Variants in CRACDL observed in about 807,000 individuals in gnomAD.
The protein encoded by CRACDL is CRACD like.
Under a neutral mutation model 70.6 loss-of-function variants are expected in CRACDL, and 26 were observed. The ratio of observed to expected loss-of-function variants is 0.37; its 90% CI spans 0.27 to 0.51. The LOEUF is 0.51. Ranked by LOEUF, CRACDL falls within the 20% of genes least tolerant of loss-of-function variation. The pLI, the probability that CRACDL is intolerant of heterozygous loss-of-function variation, is 0.94. For synonymous variants in CRACDL, 618 were observed against 615.2 expected, an observed-to-expected ratio of 1.00 and a Z score of -0.07; for missense variants, 1,283 against 1,376.9, an observed-to-expected ratio of 0.93 and a Z score of 1.08.
intron 1 of CRACDL, among the ~76,000 whole-genome samples, chr2:98,893,900 C>G (rs146059674): frequency 2.0e-4 from 31 of 152,346 alleles, no homozygotes; most frequent in African/African-American, 7.2e-4. Flanking sequence ...GTGCACCACA[C>G]AGTGGAGACC....
At chr2:98,850,743 G>C (rs1245489135) in intron 1 of CRACDL, among the ~76,000 whole-genome samples, 2 of 152,218 alleles carry the variant, frequency 1.3e-5, no homozygotes, top group African/African-American at 2.4e-5. Context: ...CTTTGTCAGT[G>C]TGTATCTGGG....
chr2:98,877,866 C>G (rs902006001), intron 1 of CRACDL, among the ~76,000 whole-genome samples: 1 of 152,172 alleles, frequency 6.6e-6, no homozygotes, highest in Non-Finnish European at 1.5e-5. Flanking sequence ...TCACTACTCA[C>G]TCACTCAGTC....
At chr2:98,863,976 G>A (rs1707034511) in intron 1 of CRACDL, among the ~76,000 whole-genome samples, 2 of 152,118 alleles carry the variant, frequency 1.3e-5, no homozygotes, top group Admixed American at 1.3e-4. Flanking sequence ...AAGAGTTCTG[G>A]GGGTGGACAG....
At chr2:98,801,316 T>G (rs1387698254) in intron 7 of CRACDL, among the ~76,000 whole-genome samples, 1 of 152,176 alleles carries the variant, frequency 6.6e-6, no homozygotes, top group Non-Finnish European at 1.5e-5. Context: ...CCACTCCAGC[T>G]CCATAATGTA....
intron 7 of CRACDL, among the ~76,000 whole-genome samples, chr2:98,806,266 T>C (rs1214070841): frequency 6.6e-6 from 1 of 152,208 alleles, no homozygotes; most frequent in South Asian, 2.1e-4. Context: ...ACAGGTAACA[T>C]CTGTGAGAAG....
At chr2:98,809,303 G>A (rs536511963) in intron 7 of CRACDL, among the ~76,000 whole-genome samples, 2 of 151,980 alleles carry the variant, frequency 1.3e-5, no homozygotes, top group South Asian at 4.2e-4. Context: ...TGACACTGGG[G>A]GATTCCCAGC....
intron 1 of CRACDL, among the ~76,000 whole-genome samples, chr2:98,902,462 C>T (rs1220674845): frequency 6.6e-6 from 1 of 152,154 alleles, no homozygotes; most frequent in African/African-American, 2.4e-5. Flanking sequence ...ATGAAGTGGG[C>T]TCCCCGAGTG....
chr2:98,904,834 C>T (rs374777165), intron 1 of CRACDL, among the ~76,000 whole-genome samples: 3 of 152,180 alleles, frequency 2.0e-5, no homozygotes, highest in African/African-American at 4.8e-5. Flanking sequence ...TGTTGAAATG[C>T]GACCCCCAAT....
intron 1 of CRACDL, among the ~76,000 whole-genome samples, chr2:98,858,530 AAAG>A (rs1232668860): frequency 5.3e-5 from 8 of 151,468 alleles, no homozygotes; most frequent in African/African-American, 1.2e-4. Context: ...AAAAAAAAAA[AAAG>A]AAGAAGAAAA....
At chr2:98,892,556 G>A (rs1423395916) in intron 1 of CRACDL, among the ~76,000 whole-genome samples, 1 of 151,800 alleles carries the variant, frequency 6.6e-6, no homozygotes, top group African/African-American at 2.4e-5. Flanking sequence ...CGGGTGTGGC[G>A]GCAGGCACCT....
chr2:98,919,618 A>G (rs1708752166), intron 1 of CRACDL, among the ~76,000 whole-genome samples: 1 of 152,224 alleles, frequency 6.6e-6, no homozygotes, highest in Non-Finnish European at 1.5e-5. Flanking sequence ...GTTTGATATG[A>G]GCAAGGGGCT....
intron 1 of CRACDL, among the ~76,000 whole-genome samples, chr2:98,902,322 C>T (rs942254996): frequency 3.9e-5 from 6 of 152,110 alleles, no homozygotes; most frequent in African/African-American, 7.2e-5. Context: ...TGCAGGGCCC[C>T]GAGTCAGGCC....
intron 1 of CRACDL, among the ~76,000 whole-genome samples, chr2:98,916,432 A>G (rs1344275497): frequency 6.6e-6 from 1 of 152,184 alleles, no homozygotes; most frequent in Non-Finnish European, 1.5e-5. Flanking sequence ...AGGTATATAC[A>G]TATATCAAGA....
At chr2:98,921,156 G>C (rs1012104556) in intron 1 of CRACDL, among the ~76,000 whole-genome samples, 22 of 152,234 alleles carry the variant, frequency 1.4e-4, no homozygotes, top group African/African-American at 5.3e-4. Context: ...AATCAAGTCT[G>C]CCTGACTATG....
chr2:98,914,781 G>A (rs936839500), intron 1 of CRACDL, among the ~76,000 whole-genome samples: 2 of 152,178 alleles, frequency 1.3e-5, no homozygotes, highest in Non-Finnish European at 1.5e-5. Context: ...GGGCGGCTCC[G>A]GGCACAGGTC....
intron 1 of CRACDL, among the ~76,000 whole-genome samples, chr2:98,878,082 G>T (rs1573129356): frequency 3.3e-5 from 5 of 152,112 alleles, no homozygotes; most frequent in Admixed American, 3.3e-4. Flanking sequence ...AAGTAGCTGG[G>T]AGTACAGGCG....
intron 7 of CRACDL, among the ~76,000 whole-genome samples, chr2:98,808,464 G>A (rs1704415198): frequency 6.6e-6 from 1 of 152,144 alleles, no homozygotes; most frequent in South Asian, 2.1e-4. Flanking sequence ...CCTGAAGAGA[G>A]AGCTCACAGT....
At chr2:98,900,394 T>C (rs1188951190) in intron 1 of CRACDL, among the ~76,000 whole-genome samples, 2 of 148,310 alleles carry the variant, frequency 1.3e-5, no homozygotes, top group African/African-American at 5.0e-5. Context: ...GGATGGAGGC[T>C]CAGTGGGAGG....
intron 1 of CRACDL, among the ~76,000 whole-genome samples, chr2:98,886,520 C>G (rs1220249791): frequency 6.6e-6 from 1 of 152,152 alleles, no homozygotes; most frequent in African/African-American, 2.4e-5. Flanking sequence ...AGATTCTGCA[C>G]AAATAGGAAG....
Sources: allele counts gnomAD v4.1 joint callset (sites outside exome capture counted in the v4.1 genomes callset), GRCh38; gene constraint gnomAD v4.1.1; transcripts MANE v1.5; gene names NCBI Gene and HGNC (gene_info 2026-07-23, HGNC 2026-07-21).